The following CNTNAP2 variants were observed in gnomAD, a reference collection of about 807,000 sequenced individuals.
CNTNAP2 encodes contactin associated protein 2.
In CNTNAP2, 98 loss-of-function variants were observed where a neutral mutation model predicts 155.2. The observed-to-expected ratio is 0.63, with a 90% CI of 0.54 to 0.75. The LOEUF (loss-of-function observed/expected upper bound fraction) is 0.75. Ranked by LOEUF, CNTNAP2 falls within the 30% of genes least tolerant of loss-of-function variation. The pLI is 0.00. For missense variants in CNTNAP2, 1,727 were observed against 1,688.1 expected (o/e 1.02, Z -0.40); for synonymous variants, 651 against 631.2 (o/e 1.03, Z -0.47).
At chr7:148,265,686 G>A (rs1281646885) in intron 20 of CNTNAP2, among the ~76,000 whole-genome samples, 1 of 152,134 alleles carries the variant, frequency 6.6e-6, no homozygotes, top group Non-Finnish European at 1.5e-5. Context: ...GGATTTTTGT[G>A]GCAATACTAC....
chr7:147,661,310 G>A (rs1209583027), intron 13 of CNTNAP2, among the ~76,000 whole-genome samples: 3 of 151,858 alleles, frequency 2.0e-5, no homozygotes, highest in Admixed American at 1.3e-4. Context: ...TTTAAGCGGT[G>A]CATTTTTATT....
chr7:146,119,890 A>T (rs1010019456), intron 1 of CNTNAP2, among the ~76,000 whole-genome samples: 2 of 152,018 alleles, frequency 1.3e-5, no homozygotes, highest in Non-Finnish European at 2.9e-5. Context: ...GTGTATAAAT[A>T]TATATGTATT....
intron 13 of CNTNAP2, among the ~76,000 whole-genome samples, chr7:147,684,883 C>T (rs2116984098): frequency 6.6e-6 from 1 of 151,380 alleles, no homozygotes; most frequent in South Asian, 2.1e-4. Context: ...TGATTTATCA[C>T]AAAGCATTTG....
intron 1 of CNTNAP2, among the ~76,000 whole-genome samples, chr7:146,180,894 G>A (rs954382918): frequency 3.3e-5 from 5 of 152,128 alleles, no homozygotes; most frequent in South Asian, 2.1e-4. Flanking sequence ...GTTCAGAGTC[G>A]GGTGTATGTG....
At position 146,720,446 on chromosome 7, in the gene CNTNAP2, A is replaced by G. The variant is rs979291708; in HGVS notation, c.98-53825A>G. Among the ~76,000 whole-genome samples, 156 of 152,246 alleles carry G rather than the reference A, an allele frequency of 1.0e-3. 1 individual carries two copies. Among genetic ancestry groups the G allele is most frequent in the Non-Finnish European group, 1.8e-3 (119 of 67,994 alleles). Reference sequence around the variant, plus strand: ...AAGTAGCTCACGGAGGGAAGTGCCTACATACTCTGCTCATGCTGAGGCTGA... The same window carrying G: ...AAGTAGCTCACGGAGGGAAGTGCCTGCATACTCTGCTCATGCTGAGGCTGA... On this transcript the variant is annotated intron_variant, in intron 1 of 23. Coordinates refer to ENST00000361727, the MANE Select transcript of CNTNAP2 (RefSeq NM_014141.6).
chr7:146,922,027 A>G (rs1796510215), intron 3 of CNTNAP2, among the ~76,000 whole-genome samples: 1 of 152,056 alleles, frequency 6.6e-6, no homozygotes, highest in South Asian at 2.1e-4. Flanking sequence ...CATAATAGAA[A>G]ATTTCATCTC....
At chr7:147,068,664 C>T (rs1799831171) in intron 4 of CNTNAP2, among the ~76,000 whole-genome samples, 1 of 152,108 alleles carries the variant, frequency 6.6e-6, no homozygotes, top group South Asian at 2.1e-4. Context: ...GCCACAAACT[C>T]CATAATAAAT....
chr7:147,385,907 C>T (rs534472031), intron 9 of CNTNAP2, among the ~76,000 whole-genome samples: 1 of 152,348 alleles, frequency 6.6e-6, no homozygotes, highest in African/African-American at 2.4e-5. Flanking sequence ...GGTCCCATCT[C>T]TGCAGCAAAC....
chr7:148,278,569 C>CAAAAA lies in CNTNAP2; in HGVS notation c.3475+11458_3475+11462dup, dbSNP rs34230909. ...TGGGCAACAGAGTGAGACTACATCT[C>CAAAAA]AAAAAAAAAAAAAAAAAAAGCCTGA... is the stretch of plus-strand genomic sequence containing the variant. On this transcript the variant is annotated intron_variant, in intron 21 of 23. Transcript: ENST00000361727. Among the ~76,000 whole-genome samples the CAAAAA allele has an allele frequency of 1.0e-4, 12 of 116,590 alleles. 2 individuals are homozygous for CAAAAA. Among genetic ancestry groups the CAAAAA allele is most frequent in the Admixed American group, 1.8e-4 (2 of 11,186 alleles). The allele number at this position is 116,590 out of a possible 152,430, so 76.5% of individuals were successfully genotyped here. A position where few individuals can be genotyped will look rare whatever the true frequency, so the allele number is the denominator to read the frequency against.
intron 15 of CNTNAP2, among the ~76,000 whole-genome samples, chr7:148,002,911 T>C (rs1470422940): frequency 6.6e-6 from 1 of 152,164 alleles, no homozygotes; most frequent in African/African-American, 2.4e-5. Flanking sequence ...TACATAAACA[T>C]TTAAGTTCAT....
At chr7:147,034,928 G>A (rs553419978) in intron 3 of CNTNAP2, among the ~76,000 whole-genome samples, 7 of 152,154 alleles carry the variant, frequency 4.6e-5, no homozygotes, top group Non-Finnish European at 8.8e-5. Flanking sequence ...ACATTTGAGC[G>A]CAAAAACAGA....
rs185859496 is a variant in CNTNAP2, at chr7:147,616,969, C to T, written c.1898-22137C>T. Reference sequence around the variant, plus strand: ...TCTCCACAAGTTTTCTACACCCACGCCTACGATCGTGTGCTAGACCTTTCA... The same window carrying T: ...TCTCCACAAGTTTTCTACACCCACGTCTACGATCGTGTGCTAGACCTTTCA... On this transcript the variant is annotated intron_variant, in intron 12 of 23. Coordinates refer to ENST00000361727, the MANE Select transcript of CNTNAP2 (RefSeq NM_014141.6). Among the ~76,000 whole-genome samples, 713 of 152,204 alleles carry T rather than the reference C, an allele frequency of 4.7e-3. 6 individuals carry two copies. The highest frequency in any genetic ancestry group is 0.016 in the African/African-American group (661 of 41,530).
In CNTNAP2 at chr7:147,277,913, A is replaced by C. The variant is rs548853687; in HGVS notation, c.1349-22228A>C. On this transcript the variant is annotated intron_variant, in intron 8 of 23. Coordinates refer to ENST00000361727, the MANE Select transcript of CNTNAP2 (RefSeq NM_014141.6). ...CTTAATTTGAAATTCGAAGTCCTTC[A>C]TCATCTGGTTTCAACTGGTACCTCT... 1.9e-4 allele frequency among the ~76,000 whole-genome samples: 29 copies of C among 151,920 alleles called. 1 individual carries two copies. In the South Asian group the frequency reaches 6.0e-3, roughly 31 times the overall value.
intron 1 of CNTNAP2, among the ~76,000 whole-genome samples, chr7:146,131,038 A>G (rs1267900601): frequency 2.0e-5 from 3 of 152,236 alleles, no homozygotes; most frequent in Non-Finnish European, 2.9e-5. Context: ...GAGCCAAACC[A>G]TATCAATCGC....
At chr7:146,360,838 C>T (rs530532907) in intron 1 of CNTNAP2, among the ~76,000 whole-genome samples, 1 of 152,246 alleles carries the variant, frequency 6.6e-6, no homozygotes, top group Admixed American at 6.5e-5. Context: ...GTATAACAAA[C>T]GTATCCCCTT....
At chr7:146,546,541 A>G (rs945632226) in intron 1 of CNTNAP2, among the ~76,000 whole-genome samples, 5 of 151,814 alleles carry the variant, frequency 3.3e-5, no homozygotes, top group Admixed American at 1.3e-4. Context: ...CTCCCCTTCT[A>G]TTCTTTCTAC....
intron 1 of CNTNAP2, among the ~76,000 whole-genome samples, chr7:146,761,151 A>G (rs1351615585): frequency 6.6e-6 from 1 of 152,178 alleles, no homozygotes; most frequent in African/African-American, 2.4e-5. Flanking sequence ...TCACTGTCCC[A>G]TATGCCAAGA....
intron 13 of CNTNAP2, among the ~76,000 whole-genome samples, chr7:147,835,609 G>A (rs761725728): frequency 6.6e-6 from 1 of 152,152 alleles, no homozygotes; most frequent in Non-Finnish European, 1.5e-5. Context: ...CAACATTACT[G>A]TAGTGACTTC....
At chr7:148,242,655 C>A (rs1429092985) in intron 20 of CNTNAP2, among the ~76,000 whole-genome samples, 1 of 152,218 alleles carries the variant, frequency 6.6e-6, no homozygotes, top group African/African-American at 2.4e-5. Flanking sequence ...CCGTTGCATT[C>A]AAAGGGTACA....
Sources: allele counts gnomAD v4.1 joint callset (sites outside exome capture counted in the v4.1 genomes callset), GRCh38; gene constraint gnomAD v4.1.1; transcripts MANE v1.5; gene names NCBI Gene and HGNC (gene_info 2026-07-23, HGNC 2026-07-21).